RRAS2: variants seen among roughly 807,000 people sequenced by gnomAD.
RRAS2 encodes the protein RAS related 2, also known as ras-related protein R-Ras2.
In RRAS2, 7 loss-of-function variants were observed where a neutral mutation model predicts 27.6. The observed-to-expected ratio is 0.25, with a 90% CI of 0.14 to 0.48. The LOEUF is 0.48. Among genes scored for constraint, RRAS2 ranks in the 20% least tolerant of loss-of-function variants. RRAS2 has a pLI of 0.99. For missense variants in RRAS2, 178 were observed against 256.2 expected, an observed-to-expected ratio of 0.69 and a Z score of 2.08; for synonymous variants, 86 against 90.9, an observed-to-expected ratio of 0.95 and a Z score of 0.31.
intron 4 of RRAS2, among the ~76,000 whole-genome samples, chr11:14,288,072 C>T (rs1456584408): frequency 6.6e-6 from 1 of 152,132 alleles, no homozygotes; most frequent in Non-Finnish European, 1.5e-5. Flanking sequence ...ACTCAACCTC[C>T]CAGTCTCAGG....
chr11:14,344,926 C>T (rs1295317342), intron 1 of RRAS2, among the ~76,000 whole-genome samples: 1 of 151,244 alleles, frequency 6.6e-6, no homozygotes, highest in African/African-American at 2.4e-5. Flanking sequence ...ATAGATACAA[C>T]TCATCTTTCC....
chr11:14,315,659 T>C (rs1554949437), intron 1 of RRAS2, among the ~76,000 whole-genome samples: 1 of 152,176 alleles, frequency 6.6e-6, no homozygotes, highest in East Asian at 1.9e-4. Flanking sequence ...ATAGAGGAAC[T>C]AGGTGACAGA....
chr11:14,334,448 G>A (rs1443887826), intron 1 of RRAS2, among the ~76,000 whole-genome samples: 2 of 151,834 alleles, frequency 1.3e-5, no homozygotes, highest in South Asian at 4.2e-4. Context: ...TATCCATTAA[G>A]TTATATATAT....
At chr11:14,347,286 C>T (rs572644378) in intron 1 of RRAS2, among the ~76,000 whole-genome samples, 19 of 152,196 alleles carry the variant, frequency 1.2e-4, no homozygotes, top group Admixed American at 3.9e-4. Context: ...TAATGACAAA[C>T]GGATTAATGC....
Position 14,359,095 on chromosome 11 carries a change from G to C in RRAS2, c.-225C>G, listed in dbSNP as rs1849150034. The C allele has an allele frequency of 9.3e-7, 1 of 1,072,940 alleles. No individual in the cohort carries two copies. The highest frequency in any genetic ancestry group is 1.1e-6 in the Non-Finnish European group (1 of 887,260). The allele number at this position is 1,072,940 out of a possible 1,614,324, so 66.5% of individuals were successfully genotyped here. ...GAAGCGGGGTGACGGCACGGGCCAG[G>C]GGCGGCAGCGGCCGGGGGGCGCGCT... On this transcript the variant is annotated 5_prime_UTR_variant, in exon 1 of 6. Coordinates refer to ENST00000256196, the MANE Select transcript of RRAS2 (RefSeq NM_012250.6).
chr11:14,291,269 A>C (rs781872927), intron 4 of RRAS2, among the ~76,000 whole-genome samples: 4 of 152,232 alleles, frequency 2.6e-5, no homozygotes, highest in Non-Finnish European at 5.9e-5. Context: ...AAATAGGTGG[A>C]CTAGGGAAAT....
At chr11:14,356,899 T>G (rs576626749) in intron 1 of RRAS2, 2 of 380,082 alleles carry the variant, frequency 5.3e-6, no homozygotes, top group African/African-American at 4.3e-5. Flanking sequence ...GCGATTCTAC[T>G]GCCTCAGCCT....
At chr11:14,312,276 C>T (rs781997452) in intron 1 of RRAS2, among the ~76,000 whole-genome samples, 27 of 152,306 alleles carry the variant, frequency 1.8e-4, no homozygotes, top group African/African-American at 4.8e-4. Context: ...GAATAAGACA[C>T]GTCTTGAAAT....
At chr11:14,311,343 T>C (rs939933868) in intron 1 of RRAS2, among the ~76,000 whole-genome samples, 1 of 152,146 alleles carries the variant, frequency 6.6e-6, no homozygotes, top group African/African-American at 2.4e-5. Context: ...CGAGAATCTG[T>C]CTTTAAAAAA....
At chr11:14,331,750 C>G (rs1554951924) in intron 1 of RRAS2, among the ~76,000 whole-genome samples, 2 of 144,234 alleles carry the variant, frequency 1.4e-5, no homozygotes, top group South Asian at 4.4e-4. Flanking sequence ...AGGGAAGGAA[C>G]AAATGAAAAG....
Position 14,294,834 on chromosome 11 carries a change from A to G in RRAS2, c.225T>C (p.Phe75=). 5.0e-6 allele frequency: 8 copies of G among 1,613,824 alleles called. No homozygotes were observed. Among genetic ancestry groups the G allele is most frequent in the Non-Finnish European group, 6.8e-6 (8 of 1,179,894 alleles). The change falls in exon 3 of 6, where the codon TTT becomes TTC. Residue 75 remains phenylalanine, a synonymous_variant. Transcript: ENST00000256196. ...DILDTAGQEE[F]GAMREQYMRT... is the part of the protein sequence containing the mutation. ...TCATATACTGTTCTCTCATGGCTCC[A>G]AACTCTTCTTGTCCTGCTGTATCCA...
intron 1 of RRAS2, among the ~76,000 whole-genome samples, chr11:14,331,467 C>T (rs782336505): frequency 6.6e-6 from 1 of 151,672 alleles, no homozygotes; most frequent in Non-Finnish European, 1.5e-5. Flanking sequence ...AATTTTAAAA[C>T]CATTGTACAC....
chr11:14,349,776 T>A (rs1848912853), intron 1 of RRAS2, among the ~76,000 whole-genome samples: 1 of 152,204 alleles, frequency 6.6e-6, no homozygotes, highest in Admixed American at 6.5e-5. Context: ...AATACTAGGA[T>A]CAAAAGTTAC....
At chr11:14,289,875 G>A (rs1234633484) in intron 4 of RRAS2, among the ~76,000 whole-genome samples, 4 of 152,092 alleles carry the variant, frequency 2.6e-5, no homozygotes, top group African/African-American at 9.7e-5. Flanking sequence ...AGAACAAGGA[G>A]AAATGGCATT....
intron 5 of RRAS2, 142 bp from the exon 6 acceptor site, chr11:14,279,566 T>A (rs1849464560): frequency 1.5e-6 from 1 of 661,402 alleles, no homozygotes; most frequent in South Asian, 1.9e-5. Flanking sequence ...CTCTCTTTCC[T>A]ACCCCCACCA....
chr11:14,285,867 A>AT (rs1554944956), intron 4 of RRAS2, among the ~76,000 whole-genome samples: 1 of 151,638 alleles, frequency 6.6e-6, no homozygotes, highest in Admixed American at 6.6e-5. Context: ...TATTTTTCAG[A>AT]TTTTTTTCTT....
chr11:14,361,776 T>TC (rs1554956187), upstream of RRAS2, among the ~76,000 whole-genome samples: 2 of 152,178 alleles, frequency 1.3e-5, no homozygotes, highest in African/African-American at 2.4e-5. Context: ...AGACATATAT[T>TC]CACATGAAAA....
chr11:14,292,641 G>A (rs1324373356), intron 4 of RRAS2, among the ~76,000 whole-genome samples: 12 of 152,010 alleles, frequency 7.9e-5, no homozygotes, highest in Admixed American at 2.0e-4. Flanking sequence ...GGTTTATAAT[G>A]TAAGCAATGC....
chr11:14,315,952 A>G (rs1554949467), intron 1 of RRAS2, among the ~76,000 whole-genome samples: 1 of 152,198 alleles, frequency 6.6e-6, no homozygotes, highest in East Asian at 1.9e-4. Flanking sequence ...GCAAACATTT[A>G]CTGTGATAAG....
Sources: gnomAD v4.1 joint callset for allele counts (sites outside exome capture counted in the v4.1 genomes callset) on GRCh38, gnomAD v4.1.1 for gene constraint, MANE v1.5 for transcripts, NCBI Gene and HGNC (gene_info 2026-07-23, HGNC 2026-07-21) for gene names.